GFPT1: variants seen among roughly 807,000 people sequenced by gnomAD.
GFPT1 encodes the protein glutamine--fructose-6-phosphate transaminase 1, also known as glutamine--fructose-6-phosphate aminotransferase [isomerizing] 1.
A neutral mutation model predicts 92.0 loss-of-function variants in GFPT1; 40 were observed. The observed-to-expected ratio is 0.43, with a 90% CI of 0.34 to 0.57. The LOEUF (loss-of-function observed/expected upper bound fraction) is 0.57. Ranked by LOEUF, GFPT1 falls within the 20% of genes least tolerant of loss-of-function variation. GFPT1 has a pLI of 0.02. For synonymous variants in GFPT1, 269 were observed against 280.6 expected, an observed-to-expected ratio of 0.96 and a Z score of 0.41; for missense variants, 448 against 869.1, an observed-to-expected ratio of 0.52 and a Z score of 6.09.
chr2:69,368,029 G>A (rs1163178419), intron 3 of GFPT1, among the ~76,000 whole-genome samples: 5 of 152,152 alleles, frequency 3.3e-5, no homozygotes, highest in Admixed American at 2.0e-4. Flanking sequence ...AGGGTGGATC[G>A]CCTGAGGTCA....
chr2:69,350,418 C>T (rs970827681), intron 9 of GFPT1, among the ~76,000 whole-genome samples: 3 of 151,964 alleles, frequency 2.0e-5, no homozygotes, highest in African/African-American at 4.8e-5. Flanking sequence ...AAAAGTGCTA[C>T]ATTATATGTT....
At chr2:69,330,259 T>C (rs1176889963) in intron 15 of GFPT1, among the ~76,000 whole-genome samples, 1 of 152,144 alleles carries the variant, frequency 6.6e-6, no homozygotes, top group Non-Finnish European at 1.5e-5. Flanking sequence ...ACTTGGGAAA[T>C]CTATCACTAT....
intron 10 of GFPT1, among the ~76,000 whole-genome samples, chr2:69,349,125 CTT>C (rs1671151402): frequency 6.6e-6 from 1 of 152,216 alleles, no homozygotes. Flanking sequence ...TTCTGCAGCT[CTT>C]GTCACAGCTG....
rs1280757580 is a variant in GFPT1, at chr2:69,387,043, C to A, written c.7+22G>T. The A allele has an allele frequency of 3.3e-6, 5 of 1,522,308 alleles. No homozygotes were observed. The East Asian group carries it at 9.8e-5, about 30-fold the overall frequency. The allele number at this position is 1,522,308 out of a possible 1,614,324, so 94.3% of individuals were successfully genotyped here. On this transcript the variant is annotated intron_variant, in intron 1 of 19. Transcript: ENST00000357308. The stretch of plus-strand genomic sequence containing the variant: ...ACCCCAGCGCCACCCGGCAACACGC[C>A]CCCCGCTCCCGGCCCCCTTACCACA...
intron 9 of GFPT1, among the ~76,000 whole-genome samples, chr2:69,352,053 G>C (rs1333423548): frequency 2.0e-5 from 3 of 151,616 alleles, no homozygotes; most frequent in Non-Finnish European, 4.4e-5. Flanking sequence ...CTTGAGGTCA[G>C]GAGTTCAAGA....
chr2:69,346,612 G>A (rs1225226719), intron 11 of GFPT1, among the ~76,000 whole-genome samples: 3 of 151,984 alleles, frequency 2.0e-5, no homozygotes, highest in African/African-American at 7.3e-5. Flanking sequence ...CTAAACTGGG[G>A]AAATTATTAA....
chr2:69,348,512 T>C (rs578246768), intron 10 of GFPT1, among the ~76,000 whole-genome samples, 178 bp from the exon 11 acceptor site: 3 of 152,302 alleles, frequency 2.0e-5, no homozygotes, highest in African/African-American at 7.2e-5. Flanking sequence ...AAGGTGGTCA[T>C]TGTGGACAAA....
intron 10 of GFPT1, among the ~76,000 whole-genome samples, chr2:69,348,831 GAC>G (rs1302256425): frequency 2.0e-5 from 3 of 152,098 alleles, no homozygotes; most frequent in African/African-American, 7.2e-5. Context: ...CAAACCATTT[GAC>G]AGTTTCCCTT....
chr2:69,361,610 C>T (rs185069517), intron 4 of GFPT1, among the ~76,000 whole-genome samples: 32 of 152,216 alleles, frequency 2.1e-4, no homozygotes, highest in Non-Finnish European at 4.3e-4. Flanking sequence ...TAAATTATTG[C>T]TAGCATTATG....
chr2:69,356,229 G>T (rs1671334519), intron 7 of GFPT1, among the ~76,000 whole-genome samples: 2 of 152,014 alleles, frequency 1.3e-5, no homozygotes, highest in African/African-American at 4.8e-5. Context: ...CCTGACCTCA[G>T]ATGATCCGCC....
intron 7 of GFPT1, among the ~76,000 whole-genome samples, chr2:69,355,627 T>C (rs1399874635): frequency 6.6e-6 from 1 of 152,150 alleles, no homozygotes; most frequent in Non-Finnish European, 1.5e-5. Context: ...GTATTTTAAT[T>C]TTTTTCCTTT....
intron 19 of GFPT1, among the ~76,000 whole-genome samples, chr2:69,326,706 T>C (rs1357333425): frequency 6.6e-6 from 1 of 152,198 alleles, no homozygotes; most frequent in Non-Finnish European, 1.5e-5. Flanking sequence ...GTCACAATCT[T>C]GGAGGTGAAC....
intron 12 of GFPT1, among the ~76,000 whole-genome samples, chr2:69,343,577 A>G (rs1010734411): frequency 2.0e-5 from 3 of 151,762 alleles, no homozygotes; most frequent in African/African-American, 7.3e-5. Context: ...ACGCCCAGCT[A>G]ATTTTTTTCT....
At chr2:69,326,835 TA>T in intron 19 of GFPT1, 78 bp downstream of exon 19, 1 of 1,382,374 alleles carries the variant, frequency 7.2e-7, no homozygotes, top group Non-Finnish European at 1.0e-6. Flanking sequence ...ACACTATTGT[TA>T]AAAATTTAGG....
At position 69,325,458 on chromosome 2, in the gene GFPT1, A is replaced by C. The variant is rs1390506424; in HGVS notation, c.*731T>G. On this transcript the variant is annotated 3_prime_UTR_variant, in exon 20 of 20. Coordinates refer to ENST00000357308, the MANE Select transcript of GFPT1 (RefSeq NM_001244710.2). Reference sequence around the variant, plus strand: ...TGTACACATCCCATCTTCAAATTTAAAATCATATTGTCAGTTGTCCAAAGC... The same window carrying C: ...TGTACACATCCCATCTTCAAATTTACAATCATATTGTCAGTTGTCCAAAGC... The C allele has an allele frequency of 1.3e-5, 2 of 152,186 alleles. No individual in the cohort carries two copies. Among genetic ancestry groups the C allele is most frequent in the East Asian group, 3.8e-4 (2 of 5,202 alleles). 9.4% of individuals were successfully genotyped at this position (152,186 alleles called of 1,614,324 possible).
At chr2:69,374,201 G>T in intron 1 of GFPT1, 88 bp from the exon 2 acceptor site, 1 of 683,776 alleles carries the variant, frequency 1.5e-6, no homozygotes, top group Non-Finnish European at 2.6e-6. Context: ...AAAACGTGAA[G>T]TTAGATTCTG....
chr2:69,362,003 GAGGGATA>G (rs1311199000), intron 4 of GFPT1, among the ~76,000 whole-genome samples: 1 of 152,054 alleles, frequency 6.6e-6, no homozygotes, highest in African/African-American at 2.4e-5. Flanking sequence ...AAAAAATGGG[GAGGGATA>G]AATACACACA....
chr2:69,328,039 C>A (rs1275121948), intron 18 of GFPT1, among the ~76,000 whole-genome samples: 1 of 140,746 alleles, frequency 7.1e-6, no homozygotes, highest in Non-Finnish European at 1.5e-5. Context: ...GCAGAGGTTG[C>A]AGTGAGCCAA....
intron 5 of GFPT1, 92 bp downstream of exon 5, chr2:69,359,176 A>G: frequency 1.3e-6 from 1 of 774,084 alleles, no homozygotes; most frequent in Non-Finnish European, 2.4e-6. Context: ...TGACACACAT[A>G]TGGTGTTTGT....
Sources: gnomAD v4.1 joint callset for allele counts (sites outside exome capture counted in the v4.1 genomes callset) on GRCh38, gnomAD v4.1.1 for gene constraint, MANE v1.5 for transcripts, NCBI Gene and HGNC (gene_info 2026-07-23, HGNC 2026-07-21) for gene names.